The following VEGFB variants were observed in gnomAD, a reference collection of about 807,000 sequenced individuals.
VEGFB encodes vascular endothelial growth factor B.
A neutral mutation model predicts 22.5 loss-of-function variants in VEGFB; 24 were observed. The ratio of observed to expected loss-of-function variants is 1.07; its 90% CI spans 0.77 to 1.50. VEGFB has a LOEUF of 1.50. Ranked by LOEUF, VEGFB falls within the 40% of genes most tolerant of loss-of-function variation. The pLI, the probability that VEGFB is intolerant of heterozygous loss-of-function variation, is 0.00. For missense variants in VEGFB, 327 were observed against 287.8 expected (o/e 1.14, Z -0.99); for synonymous variants, 141 against 117.4 (o/e 1.20, Z -1.30).
In VEGFB at chr11:64,237,628, G is replaced by A; in HGVS notation, c.619G>A (p.Ala207Thr). 1.3e-6 allele frequency: 2 copies of A among 1,557,876 alleles called. No individual in the cohort carries two copies. The highest frequency in any genetic ancestry group is 1.7e-6 in the Non-Finnish European group (2 of 1,156,132). ...AGCTTCCTCCGTTGCCAAGGGCGGG[G>A]CTTAGAGCTCAACCCAGACACCTGC... ...AAASSVAKGG[A>T] The change falls in exon 6 of 7, where the codon GCT becomes ACT. Residue 207 changes from alanine to threonine, a missense_variant. Transcript: ENST00000309422.
Position 64,237,471 on chromosome 11 carries a change from C to T in VEGFB, c.462C>T (p.Asp154=), listed in dbSNP as rs1298025696. The T allele has an allele frequency of 3.1e-6, 5 of 1,612,226 alleles. No individual in the cohort carries two copies. The highest frequency in any genetic ancestry group is 3.4e-6 in the Non-Finnish European group (4 of 1,179,538). Residue 154 remains aspartate (D), a synonymous_variant, in exon 6 of 7, where the codon GAC becomes GAT. Coordinates refer to ENST00000309422, the MANE Select transcript of VEGFB (RefSeq NM_003377.5). ...RPQPRSVPGW[D]SAPGAPSPAD... is the part of the protein sequence containing the mutation. Reference sequence around the variant, plus strand: ...AGCCCCGTTCTGTTCCGGGCTGGGACTCTGCCCCCGGAGCACCCTCCCCAG... The same window carrying T: ...AGCCCCGTTCTGTTCCGGGCTGGGATTCTGCCCCCGGAGCACCCTCCCCAG...
intron 4 of VEGFB, among the ~76,000 whole-genome samples, chr11:64,236,556 A>C (rs1359846701): frequency 6.6e-6 from 1 of 151,632 alleles, no homozygotes; most frequent in Non-Finnish European, 1.5e-5. Context: ...TCTACTAAAA[A>C]AATACAAAAA....
Position 64,237,570 on chromosome 11 carries a change from C to A in VEGFB, c.561C>A (p.Thr187=), listed in dbSNP as rs1322369800. 1 of 1,600,312 alleles carries A rather than the reference C, an allele frequency of 6.2e-7. No homozygotes were observed. The highest frequency in any genetic ancestry group is 2.2e-5 in the East Asian group (1 of 44,526). Residue 187 remains threonine, a synonymous_variant, in exon 6 of 7, where the codon ACC becomes ACA. Coordinates refer to ENST00000309422, the MANE Select transcript of VEGFB (RefSeq NM_003377.5). ...CACCCAGCACCACCAGCGCCCTGACCCCCGGACCTGCCGCTGCCGCTGCCG... is the reference window on the plus strand; with the variant it reads ...CACCCAGCACCACCAGCGCCCTGACACCCGGACCTGCCGCTGCCGCTGCCG... The part of the protein sequence containing the change: ...HAAPSTTSAL[T]PGPAAAAADA...
At position 64,237,718 on chromosome 11, in the gene VEGFB, C is replaced by A; in HGVS notation, c.*22+63C>A. 4 of 1,391,452 alleles carry A rather than the reference C, an allele frequency of 2.9e-6. No individual in the cohort carries two copies. The South Asian group carries it at 5.5e-5, about 19-fold the overall frequency. 86.2% of individuals were successfully genotyped at this position (1,391,452 alleles called of 1,614,324 possible). ...ACCAAGGCCCTGTCCTGGAGCAGGT[C>A]CAGGGTGAGCCTGCCAGTAGGAGGA... On this transcript the variant is annotated intron_variant, in intron 6 of 6. Coordinates refer to ENST00000309422, the MANE Select transcript of VEGFB (RefSeq NM_003377.5).
At position 64,237,234 on chromosome 11, in the gene VEGFB, G is replaced by C. The variant is rs1446220958; in HGVS notation, c.410+12G>C. The C allele has an allele frequency of 6.2e-7, 1 of 1,608,078 alleles. No homozygotes were observed. The highest frequency in any genetic ancestry group is 2.2e-5 in the East Asian group (1 of 44,792). Reference sequence around the variant, plus strand: ...GTGAAGCCAGACAGGTGAGTCTTTTGGACTCCAGCTGAGTAGGGGTATGGG... The same window carrying C: ...GTGAAGCCAGACAGGTGAGTCTTTTCGACTCCAGCTGAGTAGGGGTATGGG... On this transcript the variant is annotated intron_variant, in intron 5 of 6. Transcript: ENST00000309422.
rs1481156329 is a variant in VEGFB at position 64,234,935 on chromosome 11, C to A, written c.60+42C>A. 1 of 1,270,746 alleles carries A rather than the reference C, an allele frequency of 7.9e-7. No homozygotes were observed. The highest frequency in any genetic ancestry group is 2.6e-5 in the South Asian group (1 of 38,066). The allele number at this position is 1,270,746 out of a possible 1,614,324, so 78.7% of individuals were successfully genotyped here. On this transcript the variant is annotated intron_variant, in intron 1 of 6. Coordinates refer to ENST00000309422, the MANE Select transcript of VEGFB (RefSeq NM_003377.5). This position sits in a 1 kb window ranked among gnomAD's most constrained non-coding sequence, Gnocchi z 5.3. ...AGCGCGCCCGCCCGCCCGCCGTGCC[C>A]TCTCTCAAGGTTGGCGGAAGTGAGG... is the stretch of plus-strand genomic sequence containing the variant.
intron 4 of VEGFB, among the ~76,000 whole-genome samples, chr11:64,236,604 C>G (rs933906054): frequency 6.6e-6 from 1 of 150,882 alleles, no homozygotes; most frequent in Non-Finnish European, 1.5e-5. Flanking sequence ...GTAGTCCCAG[C>G]TACTCCGGAG....
chr11:64,237,090 A>AGGGG (rs1591081173), intron 4 of VEGFB, 97 bp from the exon 5 acceptor site: 1 of 54,596 alleles, frequency 1.8e-5, no homozygotes, highest in African/African-American at 6.5e-5. Flanking sequence ...TCTCAAAGAG[A>AGGGG]GAGAGAGAGA....
chr11:64,237,268 G>C (rs1349446160), intron 5 of VEGFB, 46 bp downstream of exon 5: 5 of 1,575,128 alleles, frequency 3.2e-6, no homozygotes, highest in Middle Eastern at 1.7e-4. Context: ...GGGAGTACAA[G>C]TGAGTCCAGA....
intron 3 of VEGFB, 108 bp from the exon 4 acceptor site, chr11:64,236,146 C>T (rs1473426340): frequency 8.5e-6 from 13 of 1,531,656 alleles, no homozygotes; most frequent in African/African-American, 5.4e-5. Flanking sequence ...GGGGGGAGGG[C>T]TGGTGGCCAG....
chr11:64,235,751 A>C, intron 2 of VEGFB, 62 bp from the exon 3 acceptor site: 2 of 1,591,062 alleles, frequency 1.3e-6, no homozygotes, highest in East Asian at 2.2e-5. Flanking sequence ...TGGGGAGGAC[A>C]GATGCTGGGA....
chr11:64,236,308 C>G lies in VEGFB; in HGVS notation c.355C>G (p.His119Asp). 6.2e-7 allele frequency: 1 copy of G among 1,613,828 alleles called. No individual in the cohort carries two copies. ...SQLGEMSLEE[H>D]SQCECRPKKK... ...GCTGGGGGAGATGTCCCTGGAAGAA[C>G]ACAGCCAGTGTGAATGCAGGTGCCA... Residue 119 changes from histidine to aspartate, a missense_variant, in exon 4 of 7, where the codon CAC becomes GAC. By Grantham distance (81) the His-to-Asp change is moderately conservative. Transcript: ENST00000309422.
chr11:64,236,641 T>C (rs1234458010), intron 4 of VEGFB, among the ~76,000 whole-genome samples: 2 of 136,630 alleles, frequency 1.5e-5, no homozygotes, highest in African/African-American at 5.5e-5. Flanking sequence ...GGCATGAACC[T>C]GGGAGGCGTA....
At position 64,237,444 on chromosome 11, in the gene VEGFB, C is replaced by T. The variant is rs2030184878; in HGVS notation, c.435C>T (p.Pro145=). ...GGGCTGCCACTCCCCACCACCGTCCCCAGCCCCGTTCTGTTCCGGGCTGGG... is the reference window on the plus strand; with the variant it reads ...GGGCTGCCACTCCCCACCACCGTCCTCAGCCCCGTTCTGTTCCGGGCTGGG... ...PDRAATPHHR[P]QPRSVPGWDS... The change falls in exon 6 of 7, where the codon CCC becomes CCT. Residue 145 remains proline (P), a synonymous_variant. Transcript: ENST00000309422. The T allele has an allele frequency of 6.2e-7, 1 of 1,602,508 alleles. No individual in the cohort carries two copies. Among genetic ancestry groups the T allele is most frequent in the East Asian group, 2.2e-5 (1 of 44,532 alleles).
In VEGFB at chr11:64,237,564, C is replaced by T; in HGVS notation, c.555C>T (p.Ala185=). The change falls in exon 6 of 7, where the codon GCC becomes GCT. Residue 185 remains alanine (A), a synonymous_variant. Coordinates refer to ENST00000309422, the MANE Select transcript of VEGFB (RefSeq NM_003377.5). The part of the protein sequence containing the change: ...SAHAAPSTTS[A]LTPGPAAAAA... ...ACGCTGCACCCAGCACCACCAGCGC[C>T]CTGACCCCCGGACCTGCCGCTGCCG... is the stretch of plus-strand genomic sequence containing the variant. 6.3e-7 allele frequency: 1 copy of T among 1,598,648 alleles called. No individual in the cohort carries two copies. Among genetic ancestry groups the T allele is most frequent in the Non-Finnish European group, 8.5e-7 (1 of 1,176,102 alleles).
At chr11:64,236,076 G>A in intron 3 of VEGFB, 67 bp downstream of exon 3, 1 of 1,534,004 alleles carries the variant, frequency 6.5e-7, no homozygotes, top group Non-Finnish European at 8.8e-7. Flanking sequence ...CGGGCAGGGT[G>A]GATGCTGGCT....
In VEGFB at chr11:64,237,509, A is replaced by G. The variant is rs892337216; in HGVS notation, c.500A>G (p.His167Arg). 4 of 1,611,392 alleles carry G rather than the reference A, an allele frequency of 2.5e-6. No individual in the cohort carries two copies. The highest frequency in any genetic ancestry group is 3.4e-6 in the Non-Finnish European group (4 of 1,179,762). The stretch of plus-strand genomic sequence containing the variant: ...GCACCCTCCCCAGCTGACATCACCC[A>G]TCCCACTCCAGCCCCAGGCCCCTCT... Reference protein sequence around the residue: ...PGAPSPADITHPTPAPGPSAH... With the variant: ...PGAPSPADITRPTPAPGPSAH... Residue 167 changes from histidine (H) to arginine (R), a missense_variant, in exon 6 of 7, where the codon CAT (histidine) becomes CGT (arginine). Transcript: ENST00000309422.
In VEGFB at chr11:64,236,312, G is replaced by A. The variant is rs1348688546; in HGVS notation, c.359G>A (p.Ser120Asn). 6.2e-7 allele frequency: 1 copy of A among 1,613,664 alleles called. No homozygotes were observed. Among genetic ancestry groups the A allele is most frequent in the African/African-American group, 1.3e-5 (1 of 74,922 alleles). ...QLGEMSLEEH[S>N]QCECRPKKKD... ...GGGGAGATGTCCCTGGAAGAACACA[G>A]CCAGTGTGAATGCAGGTGCCAGCCA... The change falls in exon 4 of 7, where the codon AGC (serine) becomes AAC (asparagine). Residue 120 changes from serine (S) to asparagine (N), a missense_variant. Transcript: ENST00000309422.
At position 64,237,462 on chromosome 11, in the gene VEGFB, G is replaced by A. The variant is rs759095427; in HGVS notation, c.453G>A (p.Pro151=). The change falls in exon 6 of 7, where the codon CCG becomes CCA. Residue 151 remains proline (P), a synonymous_variant. Coordinates refer to ENST00000309422, the MANE Select transcript of VEGFB (RefSeq NM_003377.5). ...ACCGTCCCCAGCCCCGTTCTGTTCCGGGCTGGGACTCTGCCCCCGGAGCAC... is the reference window on the plus strand; with the variant it reads ...ACCGTCCCCAGCCCCGTTCTGTTCCAGGCTGGGACTCTGCCCCCGGAGCAC... ...PHHRPQPRSV[P]GWDSAPGAPS... 1.7e-5 allele frequency: 27 copies of A among 1,611,338 alleles called. No individual in the cohort carries two copies. The highest frequency in any genetic ancestry group is 4.0e-5 in the African/African-American group (3 of 74,766).
Sources: gnomAD v4.1 joint callset for allele counts (sites outside exome capture counted in the v4.1 genomes callset) on GRCh38, gnomAD v4.1.1 for gene constraint, Gnocchi (gnomAD v3.1) non-coding constraint, MANE v1.5 for transcripts, NCBI Gene and HGNC (gene_info 2026-07-23, HGNC 2026-07-21) for gene names.